GGT7: variants seen among roughly 807,000 people sequenced by gnomAD.
The protein encoded by GGT7 is glutathione hydrolase 7.
Under a neutral mutation model 69.2 loss-of-function variants are expected in GGT7, and 30 were observed. The ratio of observed to expected loss-of-function variants is 0.43; its 90% CI spans 0.32 to 0.59. The LOEUF is 0.59. Among genes scored for constraint, GGT7 ranks in the 20% least tolerant of loss-of-function variants. GGT7 has a pLI of 0.05. For synonymous variants in GGT7, 388 were observed against 391.8 expected, an observed-to-expected ratio of 0.99 and a Z score of 0.12; for missense variants, 733 against 901.1, an observed-to-expected ratio of 0.81 and a Z score of 2.39.
chr20:34,859,417 C>G (rs536717349), intron 7 of GGT7, 26 bp downstream of exon 7: 1 of 1,538,638 alleles, frequency 6.5e-7, no homozygotes, highest in Admixed American at 1.9e-5. Flanking sequence ...GGGGCATGCC[C>G]CCACCCGCAC....
At chr20:34,870,267 T>A (rs193256033) in intron 1 of GGT7, among the ~76,000 whole-genome samples, 24 of 152,350 alleles carry the variant, frequency 1.6e-4, no homozygotes, top group Admixed American at 1.3e-3. Flanking sequence ...GAAGCTCAGA[T>A]GACTAGGATC....
At chr20:34,864,068 A>G (rs1385905897) in intron 1 of GGT7, among the ~76,000 whole-genome samples, 1 of 152,186 alleles carries the variant, frequency 6.6e-6, no homozygotes, top group African/African-American at 2.4e-5. Flanking sequence ...TGGTTCATAG[A>G]GCCCTGGAAG....
At chr20:34,872,359 C>G (rs2079794080) in intron 1 of GGT7, 2 of 289,214 alleles carry the variant, frequency 6.9e-6, no homozygotes, top group Admixed American at 1.0e-4. Flanking sequence ...TCCTTAGGAT[C>G]TCCCCTTCAA....
At position 34,854,856 on chromosome 20, in the gene GGT7, C is replaced by A. The variant is rs1344900120; in HGVS notation, c.1170G>T (p.Leu390=). The stretch of plus-strand genomic sequence containing the variant: ...CCAGGCTGGTGAGATTGAAGCCCTC[C>A]AGGATGTTGAGAGCACTGATGAGGG... ...GPALISALNI[L]EGFNLTSLVS... Residue 390 remains leucine (L), a synonymous_variant, in exon 9 of 15, where the codon CTG becomes CTT. Transcript: ENST00000336431. 7 of 1,613,916 alleles carry A rather than the reference C, an allele frequency of 4.3e-6. No individual in the cohort carries two copies. In the East Asian group the frequency reaches 1.6e-4, roughly 36 times the overall value.
Position 34,845,139 on chromosome 20 carries a change from CCA to C in GGT7, c.*187_*188del. The stretch of plus-strand genomic sequence containing the variant: ...ACCACCACCACCACCACCACCACCA[CCA>C]CCACCACCACCACAGGCCTCCTGAT... On this transcript the variant is annotated 3_prime_UTR_variant, in exon 15 of 15. Coordinates refer to ENST00000336431, the MANE Select transcript of GGT7 (RefSeq NM_178026.3). The C allele has an allele frequency of 8.1e-6, 4 of 496,608 alleles. No individual in the cohort carries two copies. Among genetic ancestry groups the C allele is most frequent in the South Asian group, 2.1e-5 (1 of 46,950 alleles). The allele number at this position is 496,608 out of a possible 1,614,324, so 30.8% of individuals were successfully genotyped here. A position where few individuals can be genotyped will look rare whatever the true frequency, so the allele number is the denominator to read the frequency against.
chr20:34,856,387 C>A (rs1220694912), intron 8 of GGT7, among the ~76,000 whole-genome samples: 2 of 152,132 alleles, frequency 1.3e-5, no homozygotes, highest in Non-Finnish European at 2.9e-5. Flanking sequence ...TTCTTTTTGG[C>A]ACTATGAGGA....
intron 1 of GGT7, among the ~76,000 whole-genome samples, chr20:34,867,246 T>C (rs2079706771): frequency 6.6e-6 from 1 of 152,194 alleles, no homozygotes; most frequent in Non-Finnish European, 1.5e-5. Context: ...AAAAGAAGTG[T>C]GGGAAAGGGT....
rs1568934206 is a variant in GGT7, at chr20:34,856,081, C to T, written c.1102+725G>A. 2.0e-5 allele frequency among the ~76,000 whole-genome samples: 3 copies of T among 152,240 alleles called. No homozygotes were observed. The East Asian group carries it at 5.8e-4, about 29-fold the overall frequency. ...GTGCTGGGGTTATAGGCCTGAGCCA[C>T]TGCACCCAGCTGATAGGCTCTTTCC... On this transcript the variant is annotated intron_variant, in intron 8 of 14. Transcript: ENST00000336431.
At chr20:34,849,301 C>T (rs1290796906) in intron 14 of GGT7, among the ~76,000 whole-genome samples, 2 of 150,352 alleles carry the variant, frequency 1.3e-5, no homozygotes, top group African/African-American at 2.5e-5. Context: ...TAGCTAGAAC[C>T]ACAGGCACGT....
chr20:34,856,970 C>T (rs1601229683), intron 7 of GGT7, 77 bp from the exon 8 acceptor site: 7 of 861,558 alleles, frequency 8.1e-6, no homozygotes, highest in Non-Finnish European at 1.2e-5. Flanking sequence ...GTTTGGATCA[C>T]AGACAGATCA....
intron 3 of GGT7, among the ~76,000 whole-genome samples, chr20:34,862,431 G>C (rs77068181): frequency 0.031 from 4,654 of 149,544 alleles, 257 homozygotes; most frequent in African/African-American, 0.11. Flanking sequence ...CTTAGTGCAG[G>C]GTGTATTTTT....
intron 13 of GGT7, 41 bp from the exon 14 acceptor site, chr20:34,850,101 G>C: frequency 7.5e-7 from 1 of 1,338,192 alleles, no homozygotes; most frequent in Non-Finnish European, 1.1e-6. Context: ...GCTGTCCCAG[G>C]GGTGATGGTC....
At chr20:34,868,904 A>G (rs945651937) in intron 1 of GGT7, among the ~76,000 whole-genome samples, 3 of 152,186 alleles carry the variant, frequency 2.0e-5, no homozygotes, top group African/African-American at 7.2e-5. Context: ...AAGATGGAGA[A>G]AAGTCCATTC....
chr20:34,865,480 G>A (rs2079674806), intron 1 of GGT7, among the ~76,000 whole-genome samples: 1 of 152,224 alleles, frequency 6.6e-6, no homozygotes, highest in African/African-American at 2.4e-5. Flanking sequence ...ATGAGCCACT[G>A]CGCCCGGCCT....
In GGT7 at chr20:34,850,042, TC is replaced by T; in HGVS notation, c.1743del (p.Thr582ProfsTer2). 6.2e-7 allele frequency: 1 copy of T among 1,613,542 alleles called. No individual in the cohort carries two copies. Among genetic ancestry groups the T allele is most frequent in the Non-Finnish European group, 8.5e-7 (1 of 1,179,550 alleles). ...CTGTCACTCAGGTTCCGGTTCAAGG[TC>T]AGGACATTCAGCAGAACCTGTGGTA... Reference protein sequence around the residue: ...SGLTQVLLNVLTLNRNLSDSL... With the variant: ...SGLTQVLLNVXTLNRNLSDSL... On this transcript the variant is annotated frameshift_variant, in exon 14 of 15. Transcript: ENST00000336431. LOFTEE classifies it high-confidence loss of function.
Position 34,860,366 on chromosome 20 carries a change from G to A in GGT7, c.676-45C>T, listed in dbSNP as rs575415962. ...GAGGGAGAGAGGAGACCAGGTCACT[G>A]GAAGGGGGGTGCTGGGCTGAACTCC... On this transcript the variant is annotated intron_variant, in intron 4 of 14. Transcript: ENST00000336431. 1.4e-4 allele frequency: 197 copies of A among 1,448,460 alleles called. 1 individual carries two copies. In the South Asian group the frequency reaches 2.1e-3, roughly 15 times the overall value. The allele number at this position is 1,448,460 out of a possible 1,614,324, so 89.7% of individuals were successfully genotyped here.
At chr20:34,872,481 C>A in intron 1 of GGT7, 166 bp downstream of exon 1, 1 of 507,478 alleles carries the variant, frequency 2.0e-6, no homozygotes, top group Non-Finnish European at 3.2e-6. Flanking sequence ...CAGAAATGCA[C>A]CCCCTTCCTC....
rs1402499294 is a variant in GGT7 at position 34,863,073 on chromosome 20, C to T, written c.406-108G>A. 2.7e-6 allele frequency: 3 copies of T among 1,124,630 alleles called. No homozygotes were observed. Among genetic ancestry groups the T allele is most frequent in the Admixed American group, 4.5e-5 (2 of 44,118 alleles). The allele number at this position is 1,124,630 out of a possible 1,614,324, so 69.7% of individuals were successfully genotyped here. On this transcript the variant is annotated intron_variant, in intron 2 of 14. Coordinates refer to ENST00000336431, the MANE Select transcript of GGT7 (RefSeq NM_178026.3). The surrounding 1 kb of genome is among the most constrained non-coding windows in gnomAD (Gnocchi z 4.4). ...GCGGCATGAAGGTCGAAGCCCTGCC[C>T]CCTTGTTGCCTTGACTCTGCCCTCA... is the stretch of plus-strand genomic sequence containing the variant.
At chr20:34,847,403 C>T (rs1291798836) in intron 14 of GGT7, among the ~76,000 whole-genome samples, 1 of 152,214 alleles carries the variant, frequency 6.6e-6, no homozygotes, top group Non-Finnish European at 1.5e-5. Context: ...AGGCTGACCT[C>T]TGTGAGAAGC....
Sources: allele counts gnomAD v4.1 joint callset (sites outside exome capture counted in the v4.1 genomes callset), GRCh38; gene constraint gnomAD v4.1.1; non-coding constraint Gnocchi (gnomAD v3.1); transcripts MANE v1.5; gene names NCBI Gene and HGNC (gene_info 2026-07-23, HGNC 2026-07-21).